HIVEP3: variants seen among roughly 807,000 people sequenced by gnomAD.
HIVEP3 encodes HIVEP zinc finger 3.
In HIVEP3, 49 loss-of-function variants were observed where a neutral mutation model predicts 152.8. The observed-to-expected ratio is 0.32, with a 90% CI of 0.26 to 0.41. The LOEUF (loss-of-function observed/expected upper bound fraction) is 0.41. Among genes scored for constraint, HIVEP3 ranks in the 10% least tolerant of loss-of-function variants. The pLI is 1.00. For missense variants in HIVEP3, 2,790 were observed against 3,103.3 expected (o/e 0.90, Z 2.40); for synonymous variants, 1,269 against 1,289.0 (o/e 0.98, Z 0.33).
chr1:41,864,060 GCCCCTCCTGGCTCTGCATTTT>G (rs1643923696), intron 1 of HIVEP3, among the ~76,000 whole-genome samples: 1 of 152,160 alleles, frequency 6.6e-6, no homozygotes, highest in Non-Finnish European at 1.5e-5. Flanking sequence ...GGAAGTGGCA[GCCCCTCCTGGCTCTGCATTTT>G]CCCCTCCTTC....
At chr1:41,977,275 C>A (rs935611433) in intron 1 of HIVEP3, among the ~76,000 whole-genome samples, 1 of 152,114 alleles carries the variant, frequency 6.6e-6, no homozygotes, top group African/African-American at 2.4e-5. Flanking sequence ...AGAACTATTA[C>A]CTTCCATGGC....
chr1:41,762,273 C>T (rs1179370924), intron 1 of HIVEP3, among the ~76,000 whole-genome samples: 5 of 152,210 alleles, frequency 3.3e-5, no homozygotes, highest in African/African-American at 1.2e-4. Flanking sequence ...CTTATATGCC[C>T]TTCTCACCCT....
chr1:41,932,333 T>C (rs1045216215), intron 1 of HIVEP3, among the ~76,000 whole-genome samples: 12 of 151,928 alleles, frequency 7.9e-5, no homozygotes, highest in Non-Finnish European at 1.6e-4. Flanking sequence ...GGAAGGCTTT[T>C]AACTATAACT....
At chr1:41,738,205 C>A (rs956104809) in intron 1 of HIVEP3, among the ~76,000 whole-genome samples, 2 of 152,196 alleles carry the variant, frequency 1.3e-5, no homozygotes, top group Non-Finnish European at 2.9e-5. Context: ...CGGGAAGCAG[C>A]GTCCCCAGAG....
intron 1 of HIVEP3, among the ~76,000 whole-genome samples, chr1:41,855,829 G>T (rs762619765): frequency 6.6e-6 from 1 of 152,218 alleles, no homozygotes; most frequent in Non-Finnish European, 1.5e-5. Context: ...GGTGGTAATT[G>T]TCTTGGTGAT....
chr1:41,583,873 T>C lies in HIVEP3; in HGVS notation c.925A>G (p.Ser309Gly), dbSNP rs200744236. 4.3e-6 allele frequency: 7 copies of C among 1,613,732 alleles called. No homozygotes were observed. The African/African-American group carries it at 8.0e-5, about 18-fold the overall frequency. ...TGGCTCCCAGAGCTGTATAGCCCGC[T>C]GGAGAGAAGGGGCTGCTTGGGTCTT... is the stretch of plus-strand genomic sequence containing the variant. ...SPRPKQPLLS[S>G]GLYSSGSHSS... Residue 309 changes from serine (S) to glycine (G), a missense_variant, in exon 4 of 9, where the codon AGC becomes GGC. Transcript: ENST00000372583. The surrounding 1 kb of genome is among the most constrained non-coding windows in gnomAD (Gnocchi z 6.9).
chr1:41,815,622 T>C (rs1301884594), intron 1 of HIVEP3, among the ~76,000 whole-genome samples: 2 of 152,190 alleles, frequency 1.3e-5, no homozygotes, highest in East Asian at 1.9e-4. Flanking sequence ...ATAGGGAGGC[T>C]GACCCATAAC....
intron 8 of HIVEP3, among the ~76,000 whole-genome samples, chr1:41,512,201 C>T (rs916216446): frequency 6.6e-6 from 1 of 152,062 alleles, no homozygotes; most frequent in Non-Finnish European, 1.5e-5. Context: ...GAATTGTAAA[C>T]CCCAGTGTTA....
chr1:41,789,505 T>C (rs1421465433), intron 1 of HIVEP3, among the ~76,000 whole-genome samples: 1 of 152,252 alleles, frequency 6.6e-6, no homozygotes, highest in East Asian at 1.9e-4. Context: ...ATGAGTTTAT[T>C]TTAATATGAC....
At chr1:41,619,660 T>C (rs1570124501) in intron 3 of HIVEP3, among the ~76,000 whole-genome samples, 1 of 151,246 alleles carries the variant, frequency 6.6e-6, no homozygotes, top group Non-Finnish European at 1.5e-5. Flanking sequence ...GTGTTAGGAG[T>C]GGGGGAAGGG....
Position 41,513,435 on chromosome 1 carries a change from C to T in HIVEP3, c.5786G>A (p.Cys1929Tyr). ...CGGCATGCTCTGGCTGGACATGGAG[C>T]AGCTGCTGGCTGTCAGGCGCTCAGC... ...SEAERLTASS[C>Y]SMSSQSMPGL... is the part of the protein sequence containing the mutation. Residue 1929 changes from cysteine (C) to tyrosine (Y), a missense_variant, in exon 8 of 9, where the codon TGC (cysteine) becomes TAC (tyrosine). Coordinates refer to ENST00000372583, the MANE Select transcript of HIVEP3 (RefSeq NM_024503.5). 1 of 1,612,270 alleles carries T rather than the reference C, an allele frequency of 6.2e-7. No homozygotes were observed. The highest frequency in any genetic ancestry group is 8.5e-7 in the Non-Finnish European group (1 of 1,179,690).
chr1:41,544,875 A>ACCACTACCACCT lies in HIVEP3; in HGVS notation c.5208-19966_5208-19965insAGGTGGTAGTGG, dbSNP rs1558046509. On this transcript the variant is annotated intron_variant, in intron 5 of 8. Coordinates refer to ENST00000372583, the MANE Select transcript of HIVEP3 (RefSeq NM_024503.5). ...CACCACCACCACCACCACCACCACC[A>ACCACTACCACCT]CTACCACCTCTACCACCACCATCAC... Among the ~76,000 whole-genome samples, 16 of 85,560 alleles carry ACCACTACCACCT rather than the reference A, an allele frequency of 1.9e-4. 1 individual carries two copies. Among genetic ancestry groups the ACCACTACCACCT allele is most frequent in the African/African-American group, 1.1e-3 (16 of 14,300 alleles). The allele number at this position is 85,560 out of a possible 152,430, so 56.1% of individuals were successfully genotyped here. A position where few individuals can be genotyped will look rare whatever the true frequency, so the allele number is the denominator to read the frequency against.
At chr1:41,937,867 G>T (rs538647597) in intron 1 of HIVEP3, among the ~76,000 whole-genome samples, 6 of 152,292 alleles carry the variant, frequency 3.9e-5, no homozygotes, top group South Asian at 4.1e-4. Flanking sequence ...ATTCAAGACT[G>T]AACAACCAAT....
At chr1:41,562,534 C>A (rs946509772) in intron 5 of HIVEP3, among the ~76,000 whole-genome samples, 13 of 64,438 alleles carry the variant, frequency 2.0e-4, no homozygotes, top group African/African-American at 5.0e-4. Flanking sequence ...CTTCCCTTCC[C>A]TTCCTTCCTT....
intron 2 of HIVEP3, among the ~76,000 whole-genome samples, chr1:41,650,994 T>C (rs1403701849): frequency 6.6e-6 from 1 of 152,208 alleles, no homozygotes; most frequent in Non-Finnish European, 1.5e-5. Flanking sequence ...TTTGTACACA[T>C]ATATTTTTGA....
intron 1 of HIVEP3, among the ~76,000 whole-genome samples, chr1:41,902,779 T>C (rs1010759459): frequency 6.6e-6 from 1 of 152,198 alleles, no homozygotes; most frequent in Non-Finnish European, 1.5e-5. Flanking sequence ...CACTTCATTC[T>C]GAGGGCCTGG....
At chr1:41,876,630 A>C (rs1178590873) in intron 1 of HIVEP3, among the ~76,000 whole-genome samples, 1 of 152,166 alleles carries the variant, frequency 6.6e-6, no homozygotes, top group Non-Finnish European at 1.5e-5. Context: ...ATCCCCAACC[A>C]GGACTCTTTT....
At chr1:41,933,402 A>G (rs1645004680) in intron 1 of HIVEP3, among the ~76,000 whole-genome samples, 1 of 152,098 alleles carries the variant, frequency 6.6e-6, no homozygotes, top group African/African-American at 2.4e-5. Flanking sequence ...CAAGCCCTTT[A>G]TAATTATTTG....
At chr1:42,019,459 T>C (rs912146389) in intron 1 of HIVEP3, among the ~76,000 whole-genome samples, 1 of 152,048 alleles carries the variant, frequency 6.6e-6, no homozygotes, top group Non-Finnish European at 1.5e-5. Context: ...TACATCTCTG[T>C]CACATTTATT....
Sources: gnomAD v4.1 joint callset for allele counts (sites outside exome capture counted in the v4.1 genomes callset) on GRCh38, gnomAD v4.1.1 for gene constraint, Gnocchi (gnomAD v3.1) non-coding constraint, MANE v1.5 for transcripts, NCBI Gene and HGNC (gene_info 2026-07-23, HGNC 2026-07-21) for gene names.